ZMAT4: variants seen among roughly 807,000 people sequenced by gnomAD.
ZMAT4 encodes zinc finger matrin-type protein 4.
ZMAT4 carries 17 observed loss-of-function variants against 28.7 expected under a neutral mutation model. That is an observed-to-expected ratio of 0.59 (90% CI 0.41 to 0.89). The LOEUF (loss-of-function observed/expected upper bound fraction) is 0.89, where lower values mean the gene tolerates loss of function less well. ZMAT4 is among the 40% of genes least tolerant of loss of function. The pLI, the probability that ZMAT4 is intolerant of heterozygous loss-of-function variation, is 0.00. For synonymous variants in ZMAT4, 117 were observed against 109.2 expected (o/e 1.07, Z -0.44); for missense variants, 240 against 283.8 (o/e 0.85, Z 1.11).
intron 5 of ZMAT4, among the ~76,000 whole-genome samples, chr8:40,597,918 A>C (rs1305027272): frequency 6.6e-6 from 1 of 152,192 alleles, no homozygotes; most frequent in Non-Finnish European, 1.5e-5. Context: ...TGACAATTTA[A>C]AACCAATGCT....
At chr8:40,713,771 T>C (rs1563429966) in intron 3 of ZMAT4, among the ~76,000 whole-genome samples, 1 of 151,296 alleles carries the variant, frequency 6.6e-6, no homozygotes, top group Non-Finnish European at 1.5e-5. Flanking sequence ...TAGCCTGGTG[T>C]GGTGGCAGGT....
At chr8:40,577,135 A>C (rs1804293402) in intron 6 of ZMAT4, among the ~76,000 whole-genome samples, 1 of 152,170 alleles carries the variant, frequency 6.6e-6, no homozygotes, top group East Asian at 1.9e-4. Flanking sequence ...CAGAAGTTGC[A>C]GTGAGCCGAG....
chr8:40,895,379 G>T (rs954810766), intron 1 of ZMAT4, among the ~76,000 whole-genome samples: 1 of 152,248 alleles, frequency 6.6e-6, no homozygotes, highest in African/African-American at 2.4e-5. Context: ...AAACTGGATC[G>T]CAGCAGAGGC....
At position 40,734,471 on chromosome 8, in the gene ZMAT4, G is replaced by A. The variant is rs565201289; in HGVS notation, c.192+33170C>T. On this transcript the variant is annotated intron_variant, in intron 3 of 6. Transcript: ENST00000297737. ...GGAAGATTTGGGTGTAAATTTAGAC[G>A]ATTTCCTTGTGAAGAGACTGCCCTG... 1.1e-4 allele frequency among the ~76,000 whole-genome samples: 16 copies of A among 152,312 alleles called. No homozygotes were observed. The East Asian group carries it at 1.2e-3, about 11-fold the overall frequency.
intron 5 of ZMAT4, among the ~76,000 whole-genome samples, chr8:40,603,263 A>C (rs1397953092): frequency 1.3e-5 from 2 of 152,308 alleles, no homozygotes; most frequent in African/African-American, 4.8e-5. Flanking sequence ...TGAGTTCTCT[A>C]TTCTGTTCCA....
intron 4 of ZMAT4, among the ~76,000 whole-genome samples, chr8:40,696,828 A>G (rs527769454): frequency 6.6e-6 from 1 of 152,290 alleles, no homozygotes; most frequent in East Asian, 1.9e-4. Flanking sequence ...CCAAGGTAAA[A>G]AAAAGGATGA....
At chr8:40,822,052 C>G (rs1450912512) in intron 2 of ZMAT4, among the ~76,000 whole-genome samples, 1 of 152,216 alleles carries the variant, frequency 6.6e-6, no homozygotes, top group Non-Finnish European at 1.5e-5. Flanking sequence ...AAGTTAACAG[C>G]ACGATGTAAT....
chr8:40,618,895 G>A (rs1333857776), intron 5 of ZMAT4, among the ~76,000 whole-genome samples: 1 of 152,180 alleles, frequency 6.6e-6, no homozygotes, highest in Non-Finnish European at 1.5e-5. Flanking sequence ...AGCAATTCCA[G>A]GAAACACTAA....
At chr8:40,710,069 T>C (rs1810538713) in intron 3 of ZMAT4, among the ~76,000 whole-genome samples, 1 of 148,102 alleles carries the variant, frequency 6.8e-6, no homozygotes, top group Non-Finnish European at 1.5e-5. Flanking sequence ...CAACTGGTGG[T>C]AGTCTGAGAT....
At chr8:40,865,311 G>A (rs1300918845) in intron 1 of ZMAT4, among the ~76,000 whole-genome samples, 4 of 152,158 alleles carry the variant, frequency 2.6e-5, no homozygotes, top group African/African-American at 4.8e-5. Flanking sequence ...TACAAGCCAC[G>A]ACTGATATCC....
chr8:40,834,117 A>T (rs951184146), intron 1 of ZMAT4, among the ~76,000 whole-genome samples: 1 of 152,204 alleles, frequency 6.6e-6, no homozygotes, highest in Non-Finnish European at 1.5e-5. Flanking sequence ...ACTCAGAGGC[A>T]TCGGCCACTG....
intron 3 of ZMAT4, among the ~76,000 whole-genome samples, chr8:40,706,323 G>T (rs1810349551): frequency 6.6e-6 from 1 of 152,102 alleles, no homozygotes; most frequent in Admixed American, 6.6e-5. Context: ...CAAAGTGCTG[G>T]GATTACAGGC....
chr8:40,745,834 G>A (rs1479315271), intron 3 of ZMAT4, among the ~76,000 whole-genome samples: 1 of 151,948 alleles, frequency 6.6e-6, no homozygotes, highest in East Asian at 1.9e-4. Flanking sequence ...CCTCTCTTGA[G>A]GAAACAAAAA....
intron 1 of ZMAT4, among the ~76,000 whole-genome samples, chr8:40,829,436 C>T (rs1018094675): frequency 1.3e-5 from 2 of 152,156 alleles, no homozygotes; most frequent in African/African-American, 4.8e-5. Flanking sequence ...CACGTGCTGT[C>T]CGGGGGTCTG....
chr8:40,693,840 T>C (rs1474627559), intron 4 of ZMAT4, among the ~76,000 whole-genome samples: 1 of 152,124 alleles, frequency 6.6e-6, no homozygotes, highest in Non-Finnish European at 1.5e-5. Flanking sequence ...AGATGCTTGA[T>C]CAAAGGGCAG....
chr8:40,781,065 G>A (rs1382023753), intron 2 of ZMAT4, among the ~76,000 whole-genome samples: 1 of 152,166 alleles, frequency 6.6e-6, no homozygotes, highest in African/African-American at 2.4e-5. Context: ...GGTGAGGGAG[G>A]TGAGGGAAGC....
chr8:40,591,545 C>T (rs913169984), intron 5 of ZMAT4, among the ~76,000 whole-genome samples: 3 of 152,192 alleles, frequency 2.0e-5, no homozygotes, highest in African/African-American at 7.2e-5. Flanking sequence ...CACCCCAGTA[C>T]CATTTCTCTT....
intron 2 of ZMAT4, among the ~76,000 whole-genome samples, chr8:40,803,594 A>G (rs915181946): frequency 8.5e-5 from 13 of 152,200 alleles, no homozygotes; most frequent in Non-Finnish European, 1.6e-4. Context: ...ATAGTATTGG[A>G]TGTGGAGCAT....
At chr8:40,674,386 G>A (rs1210502638) in intron 5 of ZMAT4, 4 of 265,084 alleles carry the variant, frequency 1.5e-5, no homozygotes, top group Non-Finnish European at 2.9e-5. Context: ...TTTAAACACT[G>A]CTACTCTACA....
Sources: allele counts gnomAD v4.1 joint callset (sites outside exome capture counted in the v4.1 genomes callset), GRCh38; gene constraint gnomAD v4.1.1; transcripts MANE v1.5; gene names NCBI Gene and HGNC (gene_info 2026-07-23, HGNC 2026-07-21).